The following PRORP variants were observed in gnomAD, a reference collection of about 807,000 sequenced individuals.
The protein encoded by PRORP is protein only RNase P catalytic subunit, also known as mitochondrial ribonuclease P catalytic subunit.
Under a neutral mutation model 59.4 loss-of-function variants are expected in PRORP, and 51 were observed. The ratio of observed to expected loss-of-function variants is 0.86; its 90% CI spans 0.69 to 1.08. The LOEUF (loss-of-function observed/expected upper bound fraction) is 1.08, where lower values mean the gene tolerates loss of function less well. PRORP is among the 50% of genes least tolerant of loss of function. The pLI is 0.00. For missense variants in PRORP, 646 were observed against 690.3 expected, an observed-to-expected ratio of 0.94 and a Z score of 0.72; for synonymous variants, 231 against 245.6, an observed-to-expected ratio of 0.94 and a Z score of 0.55.
chr14:35,197,128 C>G (rs2049028278), intron 5 of PRORP, among the ~76,000 whole-genome samples: 1 of 152,160 alleles, frequency 6.6e-6, no homozygotes, highest in African/African-American at 2.4e-5. Context: ...TTTTCTCTCT[C>G]TGGCAAAATC....
chr14:35,178,727 C>T (rs1250588343), intron 4 of PRORP, among the ~76,000 whole-genome samples: 2 of 147,844 alleles, frequency 1.4e-5, no homozygotes, highest in Non-Finnish European at 3.0e-5. Context: ...TTAATTGGAG[C>T]ATTTAGCCCA....
At chr14:35,149,152 C>T (rs1345356752) in intron 4 of PRORP, among the ~76,000 whole-genome samples, 1 of 151,022 alleles carries the variant, frequency 6.6e-6, no homozygotes, top group East Asian at 1.9e-4. Context: ...ATCTCCTGAC[C>T]TCGTGATCCG....
intron 5 of PRORP, among the ~76,000 whole-genome samples, chr14:35,266,169 T>G (rs2051033720): frequency 6.6e-6 from 1 of 151,414 alleles, no homozygotes. Flanking sequence ...AATACAAAAT[T>G]AGTTGGCTGT....
chr14:35,162,218 A>G (rs1198773015), intron 4 of PRORP, among the ~76,000 whole-genome samples: 1 of 152,124 alleles, frequency 6.6e-6, no homozygotes, highest in Non-Finnish European at 1.5e-5. Flanking sequence ...CACATATTCC[A>G]AGATAGATAT....
intron 5 of PRORP, among the ~76,000 whole-genome samples, chr14:35,255,455 A>G (rs542244807): frequency 1.3e-5 from 2 of 152,248 alleles, no homozygotes; most frequent in African/African-American, 4.8e-5. Context: ...TTATATCTGT[A>G]TTCCAAGTAC....
intron 5 of PRORP, among the ~76,000 whole-genome samples, chr14:35,211,959 A>C (rs1267009502): frequency 6.6e-6 from 1 of 152,198 alleles, no homozygotes; most frequent in Non-Finnish European, 1.5e-5. Flanking sequence ...AAACCCTTTC[A>C]CTTGCTGTAT....
At chr14:35,186,651 G>A (rs897784795) in intron 5 of PRORP, among the ~76,000 whole-genome samples, 1 of 151,216 alleles carries the variant, frequency 6.6e-6, no homozygotes, top group African/African-American at 2.4e-5. Context: ...GGAGGGTAAG[G>A]GTGCAGTCAT....
chr14:35,232,315 C>T (rs898103220), intron 5 of PRORP, among the ~76,000 whole-genome samples: 11 of 151,584 alleles, frequency 7.3e-5, no homozygotes, highest in African/African-American at 2.7e-4. Context: ...AAGCAGTCCT[C>T]TCACCTCAGC....
chr14:35,220,270 C>T (rs1012479267), intron 5 of PRORP, among the ~76,000 whole-genome samples: 3 of 152,214 alleles, frequency 2.0e-5, no homozygotes, highest in Admixed American at 1.3e-4. Flanking sequence ...ATGACACATT[C>T]GTCATTTTAT....
At chr14:35,158,738 AT>A in intron 4 of PRORP, 1 of 383,174 alleles carries the variant, frequency 2.6e-6, no homozygotes, top group Non-Finnish European at 5.2e-6. Flanking sequence ...TCCAAATCCT[AT>A]TTGGTATCAA....
chr14:35,166,489 C>T (rs1024757646), intron 4 of PRORP, among the ~76,000 whole-genome samples: 6 of 144,338 alleles, frequency 4.2e-5, no homozygotes, highest in Admixed American at 7.1e-5. Flanking sequence ...CTCGCTCTGT[C>T]GCCAGGCTGG....
intron 5 of PRORP, chr14:35,235,587 TG>T: frequency 2.0e-6 from 1 of 512,714 alleles, no homozygotes; most frequent in Non-Finnish European, 3.7e-6. Context: ...GGTCTTTTAG[TG>T]GGGACGTCCC....
intron 7 of PRORP, among the ~76,000 whole-genome samples, chr14:35,272,047 C>T (rs1252078127): frequency 7.0e-6 from 1 of 142,118 alleles, no homozygotes; most frequent in Non-Finnish European, 1.5e-5. Flanking sequence ...AAAAAAACAA[C>T]AAAAAAAAAA....
chr14:35,162,035 T>C (rs2048073585), intron 4 of PRORP, among the ~76,000 whole-genome samples: 1 of 152,098 alleles, frequency 6.6e-6, no homozygotes. Flanking sequence ...GTTATCTTCT[T>C]TCTCCTTCCT....
intron 5 of PRORP, among the ~76,000 whole-genome samples, chr14:35,254,689 GC>G (rs1170161800): frequency 3.9e-5 from 6 of 152,132 alleles, no homozygotes; most frequent in African/African-American, 1.4e-4. Context: ...ACCGCGCCCA[GC>G]CCACTCTCCT....
chr14:35,250,717 A>T (rs1211911284), intron 5 of PRORP, among the ~76,000 whole-genome samples: 1 of 152,188 alleles, frequency 6.6e-6, no homozygotes, highest in African/African-American at 2.4e-5. Context: ...GAACCACCTT[A>T]TCAAATAGGC....
chr14:35,176,551 T>G (rs2048455737), intron 4 of PRORP, among the ~76,000 whole-genome samples: 1 of 152,198 alleles, frequency 6.6e-6, no homozygotes, highest in Non-Finnish European at 1.5e-5. Context: ...TTGTCTGTTA[T>G]TGGTGTGTAA....
At chr14:35,129,565 C>T (rs1404405089) in intron 4 of PRORP, among the ~76,000 whole-genome samples, 4 of 151,770 alleles carry the variant, frequency 2.6e-5, no homozygotes, top group African/African-American at 9.7e-5. Flanking sequence ...TCCTCCACCT[C>T]CTGGGTTCAG....
Position 35,202,912 on chromosome 14 carries a change from G to T in PRORP, c.1275+22135G>T, listed in dbSNP as rs115859523. Among the ~76,000 whole-genome samples, 1,145 of 152,314 alleles carry T rather than the reference G, an allele frequency of 7.5e-3. 19 individuals are homozygous for T. Among genetic ancestry groups the T allele is most frequent in the African/African-American group, 0.026 (1,088 of 41,564 alleles). ...GCCTCCCAAAGTGCTGGGATTACAG[G>T]TGTGAGCCAGGGCACTTGGCCTGAA... is the stretch of plus-strand genomic sequence containing the variant. On this transcript the variant is annotated intron_variant, in intron 5 of 7. Transcript: ENST00000534898.
Sources: gnomAD v4.1 joint callset for allele counts (sites outside exome capture counted in the v4.1 genomes callset) on GRCh38, gnomAD v4.1.1 for gene constraint, MANE v1.5 for transcripts, NCBI Gene and HGNC (gene_info 2026-07-23, HGNC 2026-07-21) for gene names.